ATRNL1: variants seen among roughly 807,000 people sequenced by gnomAD.
The protein encoded by ATRNL1 is attractin-like protein 1.
ATRNL1 carries 95 observed loss-of-function variants against 182.7 expected under a neutral mutation model. That is an observed-to-expected ratio of 0.52 (90% CI 0.44 to 0.62). The LOEUF (loss-of-function observed/expected upper bound fraction) is 0.62, where lower values mean the gene tolerates loss of function less well. Ranked by LOEUF, ATRNL1 falls within the 20% of genes least tolerant of loss-of-function variation. The pLI, the probability that ATRNL1 is intolerant of heterozygous loss-of-function variation, is 0.00. For synonymous variants in ATRNL1, 576 were observed against 568.3 expected, an observed-to-expected ratio of 1.01 and a Z score of -0.19; for missense variants, 1,471 against 1,679.5, an observed-to-expected ratio of 0.88 and a Z score of 2.17.
At chr10:115,126,420 A>T (rs964220543) in intron 3 of ATRNL1, among the ~76,000 whole-genome samples, 2 of 152,128 alleles carry the variant, frequency 1.3e-5, no homozygotes, top group Non-Finnish European at 2.9e-5. Context: ...TATTATAAAG[A>T]CCTATTTTTA....
chr10:115,517,802 T>C (rs1315632759), intron 24 of ATRNL1, among the ~76,000 whole-genome samples: 1 of 151,878 alleles, frequency 6.6e-6, no homozygotes, highest in Non-Finnish European at 1.5e-5. Context: ...GGATTTAAGT[T>C]CTTGTTGACA....
In ATRNL1 at chr10:115,895,210, G is replaced by A. The variant is rs1952176521; in HGVS notation, c.4018+47219G>A. Among the ~76,000 whole-genome samples, 3 of 152,182 alleles carry A rather than the reference G, an allele frequency of 2.0e-5. No individual in the cohort carries two copies. In the South Asian group the frequency reaches 6.2e-4, roughly 32 times the overall value. On this transcript the variant is annotated intron_variant, in intron 28 of 28. Coordinates refer to ENST00000355044, the MANE Select transcript of ATRNL1 (RefSeq NM_207303.4). ...CCTTCATAACTAGCACTAATAATCA[G>A]ATATTTGCATGATCTGAAATGAAAC...
At chr10:115,101,950 T>C (rs1252606281) in intron 1 of ATRNL1, among the ~76,000 whole-genome samples, 1 of 152,202 alleles carries the variant, frequency 6.6e-6, no homozygotes, top group Non-Finnish European at 1.5e-5. Flanking sequence ...GTTAAGTATT[T>C]TTTTGGGCGT....
intron 8 of ATRNL1, among the ~76,000 whole-genome samples, chr10:115,207,317 C>T (rs1848837143): frequency 6.6e-6 from 1 of 152,106 alleles, no homozygotes; most frequent in East Asian, 1.9e-4. Context: ...AGTGTAAAAG[C>T]ATTCCTATTT....
chr10:115,461,762 A>G (rs1255233455), intron 21 of ATRNL1, among the ~76,000 whole-genome samples, 179 bp from the exon 22 acceptor site: 4 of 152,156 alleles, frequency 2.6e-5, no homozygotes, highest in East Asian at 1.9e-4. Context: ...TTCCATAACT[A>G]TGTTTTGCTT....
chr10:115,733,711 A>G (rs1215239808), intron 27 of ATRNL1, among the ~76,000 whole-genome samples: 1 of 152,158 alleles, frequency 6.6e-6, no homozygotes, highest in Non-Finnish European at 1.5e-5. Context: ...TGACTGGCCT[A>G]AGCAGCTTAT....
intron 4 of ATRNL1, among the ~76,000 whole-genome samples, chr10:115,128,955 G>A (rs1366155824): frequency 6.6e-6 from 1 of 151,710 alleles, no homozygotes; most frequent in Non-Finnish European, 1.5e-5. Flanking sequence ...TTCTCATATA[G>A]TTTTGAATTT....
intron 26 of ATRNL1, among the ~76,000 whole-genome samples, chr10:115,619,271 C>T (rs1174705644): frequency 1.3e-5 from 2 of 152,068 alleles, no homozygotes; most frequent in Non-Finnish European, 2.9e-5. Context: ...AGTGGTGAGT[C>T]CCATGTGTGG....
chr10:115,777,382 A>C (rs1555078228), intron 27 of ATRNL1, among the ~76,000 whole-genome samples: 26 of 152,128 alleles, frequency 1.7e-4, no homozygotes, highest in Non-Finnish European at 1.5e-5. Context: ...ATTTCAGTAT[A>C]ACTTGATATA....
chr10:115,646,693 A>G (rs1555032573), intron 26 of ATRNL1, among the ~76,000 whole-genome samples: 1 of 150,632 alleles, frequency 6.6e-6, no homozygotes, highest in African/African-American at 2.4e-5. Flanking sequence ...ACTTTTCCCT[A>G]TGGACTAATA....
intron 25 of ATRNL1, 80 bp from the exon 26 acceptor site, chr10:115,549,378 T>C (rs1592835461): frequency 1.1e-6 from 1 of 886,128 alleles, no homozygotes; most frequent in Non-Finnish European, 1.7e-6. Flanking sequence ...ATATATGTAT[T>C]TGAGTCTTTC....
intron 26 of ATRNL1, among the ~76,000 whole-genome samples, chr10:115,602,864 A>AAAC (rs150872348): frequency 0.019 from 2,872 of 151,986 alleles, 71 homozygotes; most frequent in East Asian, 0.12. Flanking sequence ...AAAAAAAAAA[A>AAAC]AAACATTGCA....
intron 10 of ATRNL1, among the ~76,000 whole-genome samples, chr10:115,250,469 T>A (rs984231044): frequency 1.3e-5 from 2 of 152,208 alleles, no homozygotes; most frequent in South Asian, 4.1e-4. Context: ...GGGTCATATG[T>A]GCCTAGCTGC....
chr10:115,766,735 T>C (rs1283640729), intron 27 of ATRNL1, among the ~76,000 whole-genome samples: 1 of 152,352 alleles, frequency 6.6e-6, no homozygotes, highest in East Asian at 1.9e-4. Flanking sequence ...GCTCTTATTT[T>C]TCTTCGTTAA....
At chr10:115,854,726 C>T (rs1266086604) in intron 28 of ATRNL1, among the ~76,000 whole-genome samples, 2 of 152,216 alleles carry the variant, frequency 1.3e-5, no homozygotes, top group African/African-American at 4.8e-5. Context: ...CAGAATGGCT[C>T]AAGTTTGAAA....
At chr10:115,120,117 C>T (rs879980537) in intron 1 of ATRNL1, 68 bp from the exon 2 acceptor site, 4 of 922,452 alleles carry the variant, frequency 4.3e-6, no homozygotes, top group Non-Finnish European at 6.7e-6. Flanking sequence ...TTTAAATTTT[C>T]TTATCCTGCT....
At chr10:115,641,512 T>A (rs1859247002) in intron 26 of ATRNL1, among the ~76,000 whole-genome samples, 1 of 152,176 alleles carries the variant, frequency 6.6e-6, no homozygotes, top group African/African-American at 2.4e-5. Context: ...GTTCTTAGTA[T>A]TTGAGAAAAC....
At chr10:115,707,146 C>G (rs532148771) in intron 26 of ATRNL1, among the ~76,000 whole-genome samples, 4 of 151,706 alleles carry the variant, frequency 2.6e-5, no homozygotes, top group African/African-American at 4.8e-5. Context: ...ATAATGGCTA[C>G]AAATAAGGCA....
At chr10:115,888,442 C>T (rs545122887) in intron 28 of ATRNL1, among the ~76,000 whole-genome samples, 109 of 152,270 alleles carry the variant, frequency 7.2e-4, no homozygotes, top group African/African-American at 2.5e-3. Flanking sequence ...TGATGTCTTA[C>T]AGGTCCTTAC....
Sources: gnomAD v4.1 joint callset for allele counts (sites outside exome capture counted in the v4.1 genomes callset) on GRCh38, gnomAD v4.1.1 for gene constraint, MANE v1.5 for transcripts, NCBI Gene and HGNC (gene_info 2026-07-23, HGNC 2026-07-21) for gene names.